AMPH: variants seen among roughly 807,000 people sequenced by gnomAD.
The protein encoded by AMPH is amphiphysin, also known as amphiphysin (Stiff-Mann syndrome with breast cancer 128kD autoantigen).
In AMPH, 49 loss-of-function variants were observed where a neutral mutation model predicts 99.1. The observed-to-expected ratio is 0.49, with a 90% CI of 0.39 to 0.63. The LOEUF is 0.63. Ranked by LOEUF, AMPH falls within the 20% of genes least tolerant of loss-of-function variation. AMPH has a pLI of 0.00. For synonymous variants in AMPH, 314 were observed against 317.3 expected (o/e 0.99, Z 0.11); for missense variants, 759 against 863.4 (o/e 0.88, Z 1.52).
chr7:38,623,844 T>C (rs1794150967), intron 1 of AMPH, among the ~76,000 whole-genome samples: 2 of 152,176 alleles, frequency 1.3e-5, no homozygotes, highest in Non-Finnish European at 2.9e-5. Flanking sequence ...ACCAGACAGA[T>C]GGAAGGAGAC....
At chr7:38,440,223 G>A (rs1445635458) in intron 11 of AMPH, among the ~76,000 whole-genome samples, 2 of 152,168 alleles carry the variant, frequency 1.3e-5, no homozygotes, top group African/African-American at 4.8e-5. Flanking sequence ...CAACATGAAG[G>A]TAGCAGTAGA....
At chr7:38,529,273 A>T (rs1410796096) in intron 2 of AMPH, among the ~76,000 whole-genome samples, 2 of 152,260 alleles carry the variant, frequency 1.3e-5, no homozygotes, top group African/African-American at 4.8e-5. Flanking sequence ...GACACTAAAG[A>T]TAGACATCAA....
At chr7:38,539,707 A>G (rs930022983) in intron 1 of AMPH, among the ~76,000 whole-genome samples, 2 of 152,184 alleles carry the variant, frequency 1.3e-5, no homozygotes, top group East Asian at 1.9e-4. Context: ...AGGAGAGGGG[A>G]GTGATTCAGA....
At chr7:38,477,045 T>G in intron 5 of AMPH, 76 bp from the exon 6 acceptor site, 1 of 1,314,554 alleles carries the variant, frequency 7.6e-7, no homozygotes. Flanking sequence ...GGTGCCAAAA[T>G]GCTTTCCTTG....
chr7:38,581,206 T>C (rs1475530248), intron 1 of AMPH, among the ~76,000 whole-genome samples: 1 of 151,728 alleles, frequency 6.6e-6, no homozygotes, highest in Non-Finnish European at 1.5e-5. Context: ...ATACATTAAA[T>C]GGCAAAAAAA....
intron 17 of AMPH, among the ~76,000 whole-genome samples, chr7:38,408,900 A>T (rs1487322974): frequency 6.6e-6 from 1 of 152,222 alleles, no homozygotes; most frequent in African/African-American, 2.4e-5. Flanking sequence ...AGTGGAAAAG[A>T]TGACCAGTTG....
intron 1 of AMPH, among the ~76,000 whole-genome samples, chr7:38,594,790 G>C (rs1164024731): frequency 6.6e-6 from 1 of 152,126 alleles, no homozygotes; most frequent in Admixed American, 6.6e-5. Flanking sequence ...CCTAAAGGAA[G>C]CAAGATAAAG....
chr7:38,404,619 A>G (rs1293480865), intron 17 of AMPH, among the ~76,000 whole-genome samples: 1 of 152,182 alleles, frequency 6.6e-6, no homozygotes, highest in African/African-American at 2.4e-5. Flanking sequence ...CTCAAGGGAA[A>G]AAAGAGTAAA....
chr7:38,513,977 AC>A (rs1005673023), intron 2 of AMPH, among the ~76,000 whole-genome samples: 1 of 151,706 alleles, frequency 6.6e-6, no homozygotes, highest in Non-Finnish European at 1.5e-5. Context: ...TTGGTCTTTG[AC>A]CCCCCTTTGC....
intron 15 of AMPH, among the ~76,000 whole-genome samples, chr7:38,423,404 A>T (rs1785662195): frequency 6.6e-6 from 1 of 152,192 alleles, no homozygotes; most frequent in Non-Finnish European, 1.5e-5. Flanking sequence ...TCAAGGAAAA[A>T]AACAAAATGC....
intron 1 of AMPH, among the ~76,000 whole-genome samples, chr7:38,573,311 CT>C (rs1792117397): frequency 1.3e-5 from 2 of 152,044 alleles, no homozygotes; most frequent in Admixed American, 1.3e-4. Flanking sequence ...TATTTTGTAC[CT>C]TTTGTATTAT....
At chr7:38,593,051 T>C (rs12701637) in intron 1 of AMPH, among the ~76,000 whole-genome samples, 20,330 of 152,244 alleles carry the variant, frequency 0.13, 1,853 homozygotes, top group Admixed American at 0.24. Flanking sequence ...ATTAAAGTTA[T>C]TCAAGTAGTA....
At chr7:38,525,277 T>TATATATATATATATAGAGAGAGAGAGAG (rs1481528083) in intron 2 of AMPH, among the ~76,000 whole-genome samples, 1 of 86,662 alleles carries the variant, frequency 1.2e-5, no homozygotes, top group African/African-American at 4.7e-5. Context: ...TATATATATA[T>TATATATATATATATAGAGAGAGAGAGAG]AGAGAGAGAG....
intron 1 of AMPH, among the ~76,000 whole-genome samples, chr7:38,614,904 C>A (rs1048253510): frequency 2.0e-5 from 3 of 152,084 alleles, no homozygotes; most frequent in Non-Finnish European, 2.9e-5. Context: ...TTAAAGAAAA[C>A]CCTCTCCAAA....
intron 5 of AMPH, among the ~76,000 whole-genome samples, chr7:38,483,591 A>C (rs1240501852): frequency 6.6e-6 from 1 of 152,130 alleles, no homozygotes; most frequent in Admixed American, 6.6e-5. Context: ...GGGTGCTAAG[A>C]ACAAAGAAAA....
intron 2 of AMPH, among the ~76,000 whole-genome samples, chr7:38,529,615 T>C (rs992593965): frequency 6.6e-6 from 1 of 152,234 alleles, no homozygotes; most frequent in African/African-American, 2.4e-5. Flanking sequence ...TCTAGTAACC[T>C]GACAGGATGC....
intron 1 of AMPH, among the ~76,000 whole-genome samples, chr7:38,607,674 C>T (rs954676633): frequency 4.6e-5 from 7 of 152,280 alleles, no homozygotes; most frequent in African/African-American, 1.4e-4. Context: ...TCATCGATAT[C>T]TATGACTGCA....
intron 2 of AMPH, among the ~76,000 whole-genome samples, chr7:38,521,775 T>C (rs537986109): frequency 1.3e-5 from 2 of 152,342 alleles, no homozygotes; most frequent in South Asian, 4.1e-4. Flanking sequence ...TCTCTCTTCC[T>C]CTGTATACTT....
intron 2 of AMPH, among the ~76,000 whole-genome samples, chr7:38,511,880 A>T (rs1156564755): frequency 2.0e-5 from 3 of 152,212 alleles, no homozygotes; most frequent in African/African-American, 7.2e-5. Flanking sequence ...GCAATCAAAG[A>T]AGCCATTATC....
Sources: allele counts gnomAD v4.1 joint callset (sites outside exome capture counted in the v4.1 genomes callset), GRCh38; gene constraint gnomAD v4.1.1; transcripts MANE v1.5; gene names NCBI Gene and HGNC (gene_info 2026-07-23, HGNC 2026-07-21).